GRM7: variants seen among roughly 807,000 people sequenced by gnomAD.
GRM7 encodes the protein metabotropic glutamate receptor 7.
GRM7 carries 35 observed loss-of-function variants against 84.5 expected under a neutral mutation model. The observed-to-expected ratio is 0.41, with a 90% CI of 0.32 to 0.55. The LOEUF is 0.55. Among genes scored for constraint, GRM7 ranks in the 20% least tolerant of loss-of-function variants. The pLI is 0.19. For synonymous variants in GRM7, 487 were observed against 455.1 expected (o/e 1.07, Z -0.89); for missense variants, 1,003 against 1,194.6 (o/e 0.84, Z 2.36).
At chr3:6,947,017 T>C (rs550143947) in intron 1 of GRM7, among the ~76,000 whole-genome samples, 3 of 152,276 alleles carry the variant, frequency 2.0e-5, no homozygotes, top group East Asian at 1.9e-4. Context: ...ATTTGACTTC[T>C]TCTTTTCCTA....
At chr3:7,334,218 C>T (rs1308341049) in intron 4 of GRM7, among the ~76,000 whole-genome samples, 1 of 151,938 alleles carries the variant, frequency 6.6e-6, no homozygotes, top group Non-Finnish European at 1.5e-5. Flanking sequence ...AAAGTATCAC[C>T]TGTAAAGGAA....
chr3:7,155,893 C>T (rs1322979413), intron 2 of GRM7, among the ~76,000 whole-genome samples: 2 of 152,226 alleles, frequency 1.3e-5, no homozygotes, highest in Non-Finnish European at 2.9e-5. Flanking sequence ...TGTCTATTTC[C>T]AATTATTCAT....
chr3:7,464,059 C>G (rs977309515), intron 7 of GRM7, among the ~76,000 whole-genome samples: 2 of 152,146 alleles, frequency 1.3e-5, no homozygotes, highest in African/African-American at 4.8e-5. Flanking sequence ...TCAGAGCCAT[C>G]TGGAGGGCTT....
At chr3:7,103,804 TTCTTTCTTTCTTTCTC>T (rs1403341261) in intron 1 of GRM7, among the ~76,000 whole-genome samples, 43 of 104,428 alleles carry the variant, frequency 4.1e-4, no homozygotes, top group African/African-American at 2.2e-3. Context: ...CTTTCTTTCT[TTCTTTCTTTCTTTCTC>T]TCTCTCTCTG....
chr3:6,952,399 T>C (rs537275780), intron 1 of GRM7, among the ~76,000 whole-genome samples: 2 of 152,338 alleles, frequency 1.3e-5, no homozygotes, highest in African/African-American at 4.8e-5. Flanking sequence ...TGCTAAATGC[T>C]TGAGGGAGAA....
chr3:7,395,759 A>G (rs1695187076), intron 4 of GRM7, among the ~76,000 whole-genome samples: 1 of 152,200 alleles, frequency 6.6e-6, no homozygotes, highest in Non-Finnish European at 1.5e-5. Context: ...TGGAATTGTG[A>G]GTCAGTTAAA....
At chr3:7,461,260 T>C (rs1475744856) in intron 6 of GRM7, among the ~76,000 whole-genome samples, 1 of 152,156 alleles carries the variant, frequency 6.6e-6, no homozygotes, top group Non-Finnish European at 1.5e-5. Context: ...ATAATAAAAC[T>C]TAAGGCTGTC....
intron 8 of GRM7, among the ~76,000 whole-genome samples, chr3:7,677,654 G>A (rs1559481919): frequency 6.6e-6 from 1 of 152,084 alleles, no homozygotes; most frequent in Non-Finnish European, 1.5e-5. Flanking sequence ...AAGTCTTGAT[G>A]GTCTCTAGTT....
At chr3:6,913,331 C>A (rs373961192) in intron 1 of GRM7, among the ~76,000 whole-genome samples, 2 of 152,010 alleles carry the variant, frequency 1.3e-5, no homozygotes, top group African/African-American at 4.8e-5. Context: ...CATTTTATTT[C>A]TTTTGTGTGG....
At chr3:7,558,238 C>A (rs918845236) in intron 7 of GRM7, among the ~76,000 whole-genome samples, 1 of 151,964 alleles carries the variant, frequency 6.6e-6, no homozygotes, top group African/African-American at 2.4e-5. Context: ...GGGAATAATT[C>A]TTACCTTATG....
chr3:7,277,696 A>G (rs894936727), intron 2 of GRM7, among the ~76,000 whole-genome samples: 1 of 151,910 alleles, frequency 6.6e-6, no homozygotes, highest in African/African-American at 2.4e-5. Flanking sequence ...GTTCCTGTAC[A>G]TTTTGAATTT....
At chr3:7,393,291 G>A (rs929652965) in intron 4 of GRM7, among the ~76,000 whole-genome samples, 2 of 152,098 alleles carry the variant, frequency 1.3e-5, no homozygotes, top group East Asian at 1.9e-4. Flanking sequence ...AAGTGCCTGC[G>A]GAATTCTGTG....
chr3:6,983,398 G>A (rs1694277062), intron 1 of GRM7, among the ~76,000 whole-genome samples: 1 of 152,082 alleles, frequency 6.6e-6, no homozygotes, highest in Admixed American at 6.6e-5. Context: ...AAAGCTCCTC[G>A]GGTTTCTGTG....
At chr3:7,512,344 AATAGATAG>A (rs577923215) in intron 7 of GRM7, among the ~76,000 whole-genome samples, 2 of 152,180 alleles carry the variant, frequency 1.3e-5, no homozygotes, top group African/African-American at 4.8e-5. Flanking sequence ...AGTGAAGTGT[AATAGATAG>A]ATAGATAAGA....
chr3:7,694,503 AT>A, intron 9 of GRM7: 1 of 262,544 alleles, frequency 3.8e-6, no homozygotes, highest in Non-Finnish European at 5.9e-6. Context: ...AACCTGCAGG[AT>A]TTTACATCTT....
chr3:7,247,474 C>G (rs192412939), intron 2 of GRM7, among the ~76,000 whole-genome samples: 1 of 151,660 alleles, frequency 6.6e-6, no homozygotes, highest in Non-Finnish European at 1.5e-5. Flanking sequence ...CGGCTCACAC[C>G]TGTAGTCCTA....
At chr3:7,013,858 T>C (rs1318095278) in intron 1 of GRM7, among the ~76,000 whole-genome samples, 1 of 152,198 alleles carries the variant, frequency 6.6e-6, no homozygotes, top group Admixed American at 6.6e-5. Flanking sequence ...TCCTATCTTT[T>C]CTCATTTATT....
chr3:7,406,327 C>T (rs1002815454), intron 4 of GRM7, among the ~76,000 whole-genome samples: 62 of 151,872 alleles, frequency 4.1e-4, no homozygotes, highest in African/African-American at 1.5e-3. Context: ...GGTGCAACCC[C>T]GTCTCTACTA....
intron 1 of GRM7, among the ~76,000 whole-genome samples, chr3:7,035,136 C>T (rs1432873817): frequency 6.6e-6 from 1 of 151,980 alleles, no homozygotes; most frequent in Non-Finnish European, 1.5e-5. Flanking sequence ...GTTGGTTTAC[C>T]CTGTGGTAGG....
Sources: gnomAD v4.1 joint callset for allele counts (sites outside exome capture counted in the v4.1 genomes callset) on GRCh38, gnomAD v4.1.1 for gene constraint, MANE v1.5 for transcripts, NCBI Gene and HGNC (gene_info 2026-07-23, HGNC 2026-07-21) for gene names.